LINGO2: variants seen among roughly 807,000 people sequenced by gnomAD.
LINGO2 encodes the protein leucine-rich repeat and immunoglobulin-like domain-containing nogo receptor-interacting protein 2.
Under a neutral mutation model 30.6 loss-of-function variants are expected in LINGO2, and 14 were observed. The observed-to-expected ratio is 0.46, with a 90% CI of 0.30 to 0.72. The LOEUF (loss-of-function observed/expected upper bound fraction) is 0.72. Ranked by LOEUF, LINGO2 falls within the 30% of genes least tolerant of loss-of-function variation. The pLI is 0.07. For missense variants in LINGO2, 729 were observed against 751.7 expected (o/e 0.97, Z 0.35); for synonymous variants, 317 against 288.5 (o/e 1.10, Z -1.00).
At chr9:28,179,571 A>G (rs1828852619) in intron 4 of LINGO2, among the ~76,000 whole-genome samples, 1 of 127,450 alleles carries the variant, frequency 7.8e-6, no homozygotes, top group Admixed American at 8.2e-5. Flanking sequence ...GAGTATGTAT[A>G]CGATATGTAG....
At chr9:28,127,280 G>T (rs1827263302) in intron 4 of LINGO2, among the ~76,000 whole-genome samples, 1 of 152,064 alleles carries the variant, frequency 6.6e-6, no homozygotes, top group Non-Finnish European at 1.5e-5. Context: ...ATGCCTTCGG[G>T]GCCTTGGAGT....
the LINGO2 span, among the ~76,000 whole-genome samples, chr9:29,113,233 C>A: frequency 0.23 from 34,881 of 151,930 alleles, 4,139 homozygotes; most frequent in East Asian, 0.4. Flanking sequence ...GGATAAGACA[C>A]CAGTTTGAAA....
In LINGO2 at chr9:28,433,858, A is replaced by C. The variant is rs760213488; in HGVS notation, c.-279+42082T>G. ...TTACAGCAGCACAATTTGCAACTGC[A>C]AAGATATAGAACCAACCCAAGTGCC... On this transcript the variant is annotated intron_variant, in intron 2 of 5. Transcript: ENST00000379992. 1.7e-4 allele frequency among the ~76,000 whole-genome samples: 26 copies of C among 151,662 alleles called. No individual in the cohort carries two copies. The Admixed American group carries it at 1.7e-3, about 10-fold the overall frequency.
chr9:29,104,797 A>C, the LINGO2 span, among the ~76,000 whole-genome samples: 1 of 152,196 alleles, frequency 6.6e-6, no homozygotes, highest in African/African-American at 2.4e-5. Flanking sequence ...TCATTTGCAG[A>C]CCTGTTTTCC....
chr9:28,886,351 G>C, the LINGO2 span, among the ~76,000 whole-genome samples: 7 of 152,120 alleles, frequency 4.6e-5, no homozygotes, highest in South Asian at 1.2e-3. Context: ...TTTAAAACAA[G>C]CTTTTATGGA....
At chr9:29,075,911 T>A in the LINGO2 span, among the ~76,000 whole-genome samples, 2 of 152,156 alleles carry the variant, frequency 1.3e-5, no homozygotes, top group African/African-American at 2.4e-5. Flanking sequence ...ATTTTGGACA[T>A]ACGGTCTGAC....
At chr9:28,212,273 T>C (rs752247693) in intron 4 of LINGO2, among the ~76,000 whole-genome samples, 2 of 151,484 alleles carry the variant, frequency 1.3e-5, no homozygotes, top group South Asian at 2.1e-4. Flanking sequence ...GTACATTATA[T>C]ATACATAATC....
intron 1 of LINGO2, among the ~76,000 whole-genome samples, chr9:28,557,960 C>A (rs938811435): frequency 5.8e-4 from 76 of 131,910 alleles, no homozygotes; most frequent in African/African-American, 2.1e-3. Flanking sequence ...ATCACATGGA[C>A]ACAGGAAGGG....
intron 4 of LINGO2, among the ~76,000 whole-genome samples, chr9:28,238,873 C>T (rs538560579): frequency 1.3e-5 from 2 of 151,040 alleles, no homozygotes; most frequent in East Asian, 1.9e-4. Flanking sequence ...AAAAGATGAA[C>T]AAAATTAACA....
At chr9:28,721,416 C>T in the LINGO2 span, among the ~76,000 whole-genome samples, 1 of 152,094 alleles carries the variant, frequency 6.6e-6, no homozygotes, top group Non-Finnish European at 1.5e-5. Context: ...ACCCAAATGC[C>T]CATCAATGAT....
chr9:28,389,609 C>T (rs1333930194), intron 2 of LINGO2, among the ~76,000 whole-genome samples: 1 of 152,128 alleles, frequency 6.6e-6, no homozygotes, highest in African/African-American at 2.4e-5. Context: ...TCACAGTCAG[C>T]CCCACTTAGT....
chr9:28,168,288 C>G (rs1828489187), intron 4 of LINGO2, among the ~76,000 whole-genome samples: 2 of 152,154 alleles, frequency 1.3e-5, no homozygotes, highest in South Asian at 4.1e-4. Flanking sequence ...CTTGTAATAA[C>G]TGAAGCAGGA....
chr9:28,757,866 A>G, the LINGO2 span, among the ~76,000 whole-genome samples: 1 of 152,010 alleles, frequency 6.6e-6, no homozygotes, highest in African/African-American at 2.4e-5. Context: ...ACTCCTATAT[A>G]AATTTGGCAT....
At chr9:29,080,091 G>A in the LINGO2 span, among the ~76,000 whole-genome samples, 1 of 151,964 alleles carries the variant, frequency 6.6e-6, no homozygotes, top group Non-Finnish European at 1.5e-5. Context: ...TTTTTGGTTG[G>A]TAGGCTATTA....
chr9:28,590,218 G>A (rs1027788974), intron 1 of LINGO2, among the ~76,000 whole-genome samples: 2 of 152,008 alleles, frequency 1.3e-5, no homozygotes, highest in Admixed American at 6.6e-5. Context: ...GAAAACCTAG[G>A]CAATACCATT....
chr9:27,986,171 A>AT (rs1412865033), intron 5 of LINGO2, among the ~76,000 whole-genome samples: 1 of 151,622 alleles, frequency 6.6e-6, no homozygotes, highest in African/African-American at 2.4e-5. Flanking sequence ...GAAAAAAAAA[A>AT]CAGCCAGAGA....
chr9:29,155,984 C>G, the LINGO2 span, among the ~76,000 whole-genome samples: 8 of 152,172 alleles, frequency 5.3e-5, no homozygotes, highest in East Asian at 1.5e-3. Flanking sequence ...AACTAGGGAT[C>G]TGGAAGCTTT....
At chr9:28,197,542 G>A (rs960963282) in intron 4 of LINGO2, among the ~76,000 whole-genome samples, 4 of 151,752 alleles carry the variant, frequency 2.6e-5, no homozygotes, top group African/African-American at 9.7e-5. Flanking sequence ...GTATTTCTTC[G>A]TTGTATTTTT....
chr9:28,346,789 T>C lies in LINGO2; in HGVS notation c.-246+26047A>G, dbSNP rs778776184. Among the ~76,000 whole-genome samples, 4 of 125,914 alleles carry C rather than the reference T, an allele frequency of 3.2e-5. No individual in the cohort carries two copies. The East Asian group carries it at 8.8e-4, about 28-fold the overall frequency. The allele number at this position is 125,914 out of a possible 152,430, so 82.6% of individuals were successfully genotyped here. A position where few individuals can be genotyped will look rare whatever the true frequency, so the allele number is the denominator to read the frequency against. ...TGCATTTCTCTAATGATTAGTGATA[T>C]TGAGTCTTTTTTTTTTCATATGCTT... On this transcript the variant is annotated intron_variant, in intron 3 of 5. Coordinates refer to ENST00000379992, the Ensembl canonical transcript of LINGO2.
Sources: allele counts gnomAD v4.1 joint callset (sites outside exome capture counted in the v4.1 genomes callset), GRCh38; gene constraint gnomAD v4.1.1; transcripts MANE v1.5; gene names NCBI Gene and HGNC (gene_info 2026-07-23, HGNC 2026-07-21).